The following SH3D19 variants were observed in gnomAD, a reference collection of about 807,000 sequenced individuals.
SH3D19 encodes SH3 domain containing 19, also known as SH3 domain-containing protein 19.
In SH3D19, 58 loss-of-function variants were observed where a neutral mutation model predicts 112.1. That is an observed-to-expected ratio of 0.52 (90% CI 0.42 to 0.64). SH3D19 has a LOEUF of 0.64. SH3D19 is among the 30% of genes least tolerant of loss of function. The probability of loss-of-function intolerance (pLI) is 0.00; values close to 1 mark genes in which losing one functional copy is unlikely to be tolerated. For synonymous variants in SH3D19, 391 were observed against 448.5 expected, an observed-to-expected ratio of 0.87 and a Z score of 1.62; for missense variants, 1,090 against 1,263.4, an observed-to-expected ratio of 0.86 and a Z score of 2.08.
chr4:151,288,945 G>A (rs932651800), intron 1 of SH3D19, among the ~76,000 whole-genome samples: 12 of 152,018 alleles, frequency 7.9e-5, no homozygotes, highest in Non-Finnish European at 1.5e-4. Context: ...AAACAATCTT[G>A]AAAAACAAGA....
At chr4:151,147,850 A>C in intron 11 of SH3D19, 72 bp downstream of exon 11, 2 of 1,488,238 alleles carry the variant, frequency 1.3e-6, no homozygotes, top group Non-Finnish European at 1.8e-6. Flanking sequence ...TCTTTTTCTA[A>C]GGAATGATGA....
At chr4:151,139,302 G>T (rs1478556780) in intron 13 of SH3D19, among the ~76,000 whole-genome samples, 2 of 151,840 alleles carry the variant, frequency 1.3e-5, no homozygotes, top group Admixed American at 1.3e-4. Flanking sequence ...ACAGGCGCCC[G>T]CCACTACGCC....
intron 3 of SH3D19, among the ~76,000 whole-genome samples, chr4:151,183,170 T>A (rs1410504756): frequency 6.6e-6 from 1 of 151,946 alleles, no homozygotes; most frequent in African/African-American, 2.4e-5. Context: ...TTTTGTATTT[T>A]TAGTAGAGAT....
intron 8 of SH3D19, 111 bp from the exon 9 acceptor site, chr4:151,159,463 C>T (rs1471670377): frequency 1.5e-6 from 1 of 659,474 alleles, no homozygotes; most frequent in South Asian, 2.0e-5. Context: ...AAGATACACA[C>T]AAATAGTTAA....
intron 1 of SH3D19, among the ~76,000 whole-genome samples, chr4:151,255,369 T>G (rs1409972623): frequency 1.5e-5 from 2 of 137,104 alleles, no homozygotes; most frequent in African/African-American, 2.8e-5. Context: ...CGGGCAGAGG[T>G]GCTCCTCACA....
intron 2 of SH3D19, among the ~76,000 whole-genome samples, chr4:151,193,004 C>G (rs1762878569): frequency 6.6e-6 from 1 of 150,908 alleles, no homozygotes; most frequent in Admixed American, 6.6e-5. Context: ...GACTCTCTAA[C>G]TAGACTGCAA....
At chr4:151,285,054 T>G (rs1382276539) in intron 1 of SH3D19, among the ~76,000 whole-genome samples, 1 of 152,204 alleles carries the variant, frequency 6.6e-6, no homozygotes, top group Non-Finnish European at 1.5e-5. Flanking sequence ...CCAGCCACTA[T>G]GCATGATAAT....
At chr4:151,153,303 A>G (rs556272622) in intron 9 of SH3D19, among the ~76,000 whole-genome samples, 2 of 152,154 alleles carry the variant, frequency 1.3e-5, no homozygotes, top group African/African-American at 2.4e-5. Flanking sequence ...GCTGGAGTAC[A>G]GTGGCGCGAT....
chr4:151,318,175 C>T (rs567112298), intron 1 of SH3D19, among the ~76,000 whole-genome samples: 1 of 149,714 alleles, frequency 6.7e-6, no homozygotes, highest in Admixed American at 6.7e-5. Flanking sequence ...GTGGCACGTG[C>T]CTGTAGTCCT....
At chr4:151,234,409 G>A (rs955754151) in intron 1 of SH3D19, among the ~76,000 whole-genome samples, 1 of 152,110 alleles carries the variant, frequency 6.6e-6, no homozygotes, top group Admixed American at 6.5e-5. Flanking sequence ...ATTTGGTAGA[G>A]ACTTTAGGAA....
At chr4:151,172,206 A>G (rs1036883468) in intron 7 of SH3D19, among the ~76,000 whole-genome samples, 1 of 152,198 alleles carries the variant, frequency 6.6e-6, no homozygotes, top group Admixed American at 6.5e-5. Flanking sequence ...TTTATTTACA[A>G]TGACAATGCT....
intron 2 of SH3D19, among the ~76,000 whole-genome samples, chr4:151,222,116 T>C (rs1768154154): frequency 6.6e-6 from 1 of 152,228 alleles, no homozygotes; most frequent in Admixed American, 6.5e-5. Flanking sequence ...GCCCATTCCA[T>C]TTTTGACCAG....
intron 1 of SH3D19, among the ~76,000 whole-genome samples, chr4:151,313,574 G>A (rs1027331458): frequency 2.6e-5 from 4 of 151,938 alleles, no homozygotes; most frequent in African/African-American, 4.8e-5. Context: ...ACACCACTGC[G>A]CCCACCTAAC....
rs1186293936 is a variant in SH3D19, at chr4:151,139,757, C to T, written c.2296+18G>A. ...CCTGGATCCTGTGGTTCTCCCACTG[C>T]ATTATTTACATCCTTACCTGCTGGG... On this transcript the variant is annotated intron_variant, in intron 13 of 19. Transcript: ENST00000604030. 1.1e-5 allele frequency: 17 copies of T among 1,611,340 alleles called. No individual in the cohort carries two copies. Among genetic ancestry groups the T allele is most frequent in the Non-Finnish European group, 1.4e-5 (17 of 1,177,702 alleles).
chr4:151,146,329 T>C (rs966064659), intron 11 of SH3D19, among the ~76,000 whole-genome samples: 46 of 152,246 alleles, frequency 3.0e-4, no homozygotes, highest in African/African-American at 1.1e-3. Context: ...AAGAGTCTCA[T>C]TCTGTCACCC....
intron 1 of SH3D19, among the ~76,000 whole-genome samples, chr4:151,314,215 A>G (rs1011863253): frequency 1.3e-5 from 2 of 152,230 alleles, no homozygotes; most frequent in Non-Finnish European, 2.9e-5. Flanking sequence ...CAGAGCAGGG[A>G]CAACATCACC....
intron 12 of SH3D19, among the ~76,000 whole-genome samples, chr4:151,142,397 T>G (rs1482243126): frequency 6.6e-6 from 1 of 152,152 alleles, no homozygotes; most frequent in African/African-American, 2.4e-5. Flanking sequence ...TACCCTCCCC[T>G]CAGCCCCAGG....
At chr4:151,261,899 G>A (rs1202825479) in intron 1 of SH3D19, among the ~76,000 whole-genome samples, 1 of 152,190 alleles carries the variant, frequency 6.6e-6, no homozygotes, top group South Asian at 2.1e-4. Context: ...ACATGAAGAT[G>A]TGTTCAGGAA....
chr4:151,226,432 T>A, intron 1 of SH3D19: 2 of 1,004,664 alleles, frequency 2.0e-6, no homozygotes, highest in South Asian at 9.3e-5. Flanking sequence ...AAGCCACAGA[T>A]TACTCAGCTC....
Sources: gnomAD v4.1 joint callset for allele counts (sites outside exome capture counted in the v4.1 genomes callset) on GRCh38, gnomAD v4.1.1 for gene constraint, MANE v1.5 for transcripts, NCBI Gene and HGNC (gene_info 2026-07-23, HGNC 2026-07-21) for gene names.